ADGRF3: variants seen among roughly 807,000 people sequenced by gnomAD.
ADGRF3 encodes G protein-coupled receptor 113.
A neutral mutation model predicts 93.2 loss-of-function variants in ADGRF3; 85 were observed. The ratio of observed to expected loss-of-function variants is 0.91; its 90% CI spans 0.77 to 1.09. The LOEUF is 1.09. ADGRF3 is among the 50% of genes least tolerant of loss of function. ADGRF3 has a pLI of 0.00. For missense variants in ADGRF3, 1,125 were observed against 1,246.2 expected, an observed-to-expected ratio of 0.90 and a Z score of 1.46; for synonymous variants, 534 against 532.5, an observed-to-expected ratio of 1.00 and a Z score of -0.04.
chr2:26,339,069 T>G (rs1395531308), intron 1 of ADGRF3, among the ~76,000 whole-genome samples: 1 of 129,782 alleles, frequency 7.7e-6, no homozygotes, highest in Non-Finnish European at 1.6e-5. Flanking sequence ...GAGCCAAGAT[T>G]GCGCCACTGC....
Position 26,346,156 on chromosome 2 carries a change from A to G in ADGRF3, c.79T>C (p.Trp27Arg), listed in dbSNP as rs1574743216. The G allele has an allele frequency of 6.2e-7, 1 of 1,609,378 alleles. No homozygotes were observed. The highest frequency in any genetic ancestry group is 1.1e-5 in the South Asian group (1 of 90,238). ...KAVTHKHHTG[W>R]ARMAKTGLPE... ...AGCCCAGTCTTTGCCATCCTTGCCC[A>G]GCCGGTGTGGTGCTTGTGTGTCACA... Residue 27 changes from tryptophan to arginine, a missense_variant, in exon 1 of 14, where the codon TGG (tryptophan) becomes CGG (arginine). By Grantham distance (101) the Trp-to-Arg change is moderately radical. Transcript: ENST00000651242.
intron 1 of ADGRF3, among the ~76,000 whole-genome samples, chr2:26,327,991 T>C (rs969712227): frequency 3.9e-5 from 6 of 152,282 alleles, no homozygotes; most frequent in African/African-American, 1.4e-4. Context: ...GGGGGACACA[T>C]TCAAACCACA....
intron 5 of ADGRF3, among the ~76,000 whole-genome samples, chr2:26,315,096 G>A (rs1340234284): frequency 1.3e-5 from 2 of 152,166 alleles, no homozygotes; most frequent in Admixed American, 1.3e-4. Context: ...CCCGTGTCTG[G>A]GTTCTCCCAT....
intron 8 of ADGRF3, 109 bp downstream of exon 8, chr2:26,313,268 T>G: frequency 2.8e-6 from 4 of 1,429,356 alleles, no homozygotes; most frequent in Non-Finnish European, 3.8e-6. Context: ...TCAGAGAAGC[T>G]GAACAGCCTG....
intron 1 of ADGRF3, among the ~76,000 whole-genome samples, chr2:26,326,106 G>A (rs999701220): frequency 1.3e-5 from 2 of 152,144 alleles, no homozygotes; most frequent in African/African-American, 4.8e-5. Context: ...GTGAGAGAAG[G>A]TGATTTTGAT....
intron 1 of ADGRF3, among the ~76,000 whole-genome samples, chr2:26,318,435 A>C (rs964638199): frequency 2.6e-5 from 4 of 152,106 alleles, no homozygotes; most frequent in Admixed American, 6.6e-5. Flanking sequence ...CTTAAAAAAG[A>C]TATAGATATA....
At chr2:26,310,667 A>C (rs1273778121) in intron 10 of ADGRF3, 25 bp downstream of exon 10, 1 of 1,593,966 alleles carries the variant, frequency 6.3e-7, no homozygotes, top group Non-Finnish European at 8.5e-7. Context: ...AAAGCAAAAA[A>C]CACAGCCACC....
At chr2:26,321,572 C>T (rs151303662) in intron 1 of ADGRF3, among the ~76,000 whole-genome samples, 1,549 of 152,156 alleles carry the variant, frequency 0.01, 11 homozygotes, top group Middle Eastern at 0.041. Context: ...GAGACTGAGC[C>T]ATGGCAGCCC....
intron 1 of ADGRF3, among the ~76,000 whole-genome samples, chr2:26,320,174 T>A (rs1675066966): frequency 6.6e-6 from 1 of 152,180 alleles, no homozygotes; most frequent in South Asian, 2.1e-4. Flanking sequence ...AAGATGGGAA[T>A]AGGCAATTCA....
intron 2 of ADGRF3, 136 bp downstream of exon 2, chr2:26,317,360 G>C (rs1259186761): frequency 8.5e-6 from 7 of 825,540 alleles, no homozygotes; most frequent in Admixed American, 2.4e-5. Context: ...CTGTCCGACT[G>C]TGATCAGAGC....
At chr2:26,310,289 G>A (rs562345429) in intron 10 of ADGRF3, 52 bp from the exon 11 acceptor site, 58 of 1,580,552 alleles carry the variant, frequency 3.7e-5, no homozygotes, top group South Asian at 4.4e-5. Context: ...GGATCCACCC[G>A]AATCAACATG....
chr2:26,309,493 C>T, intron 13 of ADGRF3, 33 bp downstream of exon 13: 1 of 1,604,106 alleles, frequency 6.2e-7, no homozygotes, highest in Non-Finnish European at 8.5e-7. Flanking sequence ...ATCCACCCTG[C>T]TTACGCTGCC....
rs984326874 is a variant in ADGRF3, at chr2:26,309,635, C to T, written c.2938-54G>A. 3.2e-6 allele frequency: 5 copies of T among 1,587,072 alleles called. No homozygotes were observed. In the African/African-American group the frequency reaches 4.0e-5, roughly 13 times the overall value. ...AGGGCAGTTATTAGTATTGTCAACT[C>T]TCCCTTGAAGAGGTTGTATCTGTTT... On this transcript the variant is annotated intron_variant, in intron 12 of 13. Transcript: ENST00000651242.
rs372407549 is a variant in ADGRF3 at position 26,346,096 on chromosome 2, G to C, written c.114+25C>G. The C allele has an allele frequency of 4.5e-6, 7 of 1,555,370 alleles. No individual in the cohort carries two copies. In the South Asian group the frequency reaches 4.7e-5, roughly 10 times the overall value. On this transcript the variant is annotated intron_variant, in intron 1 of 13. Coordinates refer to ENST00000651242, the MANE Select transcript of ADGRF3 (RefSeq NM_001321971.2). The stretch of plus-strand genomic sequence containing the variant: ...GGGGCCGAGGCGGCTACGCGTGCGC[G>C]GTGGGCGGAGCGCGGCTCTCCTACC...
intron 1 of ADGRF3, among the ~76,000 whole-genome samples, chr2:26,330,058 T>C (rs913392750): frequency 6.6e-6 from 1 of 152,226 alleles, no homozygotes; most frequent in African/African-American, 2.4e-5. Flanking sequence ...GAAGTGTTAA[T>C]GTTTCTTTTT....
At chr2:26,329,022 G>T (rs185974022) in intron 1 of ADGRF3, among the ~76,000 whole-genome samples, 215 of 152,248 alleles carry the variant, frequency 1.4e-3, no homozygotes, top group Non-Finnish European at 2.4e-3. Context: ...ATATTGAGAG[G>T]GATATTATCA....
intron 1 of ADGRF3, chr2:26,319,199 A>ACCTGGATTCCCATTTCACTC: frequency 1.3e-6 from 1 of 773,940 alleles, no homozygotes; most frequent in Non-Finnish European, 2.0e-6. Flanking sequence ...ACTCTGAGTG[A>ACCTGGATTCCCATTTCACTC]AATGGGAATC....
chr2:26,316,324 G>T lies in ADGRF3; in HGVS notation c.450C>A (p.Cys150Ter). The T allele has an allele frequency of 6.4e-7, 1 of 1,551,838 alleles. No individual in the cohort carries two copies. Among genetic ancestry groups the T allele is most frequent in the Non-Finnish European group, 8.7e-7 (1 of 1,147,010 alleles). ...CGGGTTCGGGATGGCTGAAGACAAG[G>T]CAGCCACAAGGCTGGTGGTTGTGGA... ...QSLHNHQPCG[C>*]LVFSHPEPGY... The change falls in exon 4 of 14, where the codon TGC (cysteine) becomes TGA (stop). Residue 150 changes from cysteine (C) to a stop codon, truncating the protein, a stop_gained. Coordinates refer to ENST00000651242, the MANE Select transcript of ADGRF3 (RefSeq NM_001321971.2). LOFTEE classifies it high-confidence loss of function.
At chr2:26,328,552 C>A (rs1675579992) in intron 1 of ADGRF3, among the ~76,000 whole-genome samples, 1 of 149,668 alleles carries the variant, frequency 6.7e-6, no homozygotes, top group Non-Finnish European at 1.5e-5. Context: ...CTCCCAGGTT[C>A]AAGCGATTCT....
Sources: gnomAD v4.1 joint callset for allele counts (sites outside exome capture counted in the v4.1 genomes callset) on GRCh38, gnomAD v4.1.1 for gene constraint, MANE v1.5 for transcripts, NCBI Gene and HGNC (gene_info 2026-07-23, HGNC 2026-07-21) for gene names.